The following ENTREP2 variants were observed in gnomAD, a reference collection of about 807,000 sequenced individuals.
ENTREP2 encodes the protein endosomal transmembrane epsin interactor 2, also known as protein ENTREP2.
chr15:29,638,317 G>A, the ENTREP2 span, among the ~76,000 whole-genome samples: 1 of 152,146 alleles, frequency 6.6e-6, no homozygotes, highest in African/African-American at 2.4e-5. Context: ...GGTTTATCCT[G>A]AACACCACTG....
the ENTREP2 span, among the ~76,000 whole-genome samples, chr15:29,442,604 C>T: frequency 6.6e-6 from 1 of 152,262 alleles, no homozygotes; most frequent in East Asian, 1.9e-4. Flanking sequence ...GCACACACAG[C>T]CCCAAATCAG....
chr15:29,648,677 C>A, the ENTREP2 span, among the ~76,000 whole-genome samples: 1 of 152,178 alleles, frequency 6.6e-6, no homozygotes, highest in Non-Finnish European at 1.5e-5. Flanking sequence ...GTGGCTCATG[C>A]CTGTAATCCC....
chr15:29,163,014 C>T, the ENTREP2 span, among the ~76,000 whole-genome samples: 5 of 152,092 alleles, frequency 3.3e-5, no homozygotes, highest in Non-Finnish European at 7.4e-5. Context: ...CAGAACCAGC[C>T]CGGAGCTGGG....
At chr15:29,297,890 A>G in the ENTREP2 span, among the ~76,000 whole-genome samples, 1 of 152,198 alleles carries the variant, frequency 6.6e-6, no homozygotes, top group Non-Finnish European at 1.5e-5. Flanking sequence ...ATCCAACAAA[A>G]CAAAACTAAA....
chr15:29,526,415 G>A, the ENTREP2 span, among the ~76,000 whole-genome samples: 348 of 149,980 alleles, frequency 2.3e-3, 2 homozygotes, highest in African/African-American at 8.0e-3. Flanking sequence ...CCACCTTAGA[G>A]GCAAGCCACA....
chr15:29,431,270 G>A, the ENTREP2 span, among the ~76,000 whole-genome samples: 1 of 152,082 alleles, frequency 6.6e-6, no homozygotes, highest in Admixed American at 6.5e-5. Context: ...TGCCACGCTG[G>A]CCCCTGCACG....
chr15:29,444,184 A>AGACAC, the ENTREP2 span, among the ~76,000 whole-genome samples: 1 of 87,784 alleles, frequency 1.1e-5, no homozygotes, highest in Non-Finnish European at 2.4e-5. Flanking sequence ...GAAAGAAAGA[A>AGACAC]AGAAAGAAAG....
chr15:29,522,622 C>G, the ENTREP2 span, among the ~76,000 whole-genome samples: 1 of 152,126 alleles, frequency 6.6e-6, no homozygotes, highest in Non-Finnish European at 1.5e-5. Context: ...CCCACCTACC[C>G]GTCTCGGCAG....
chr15:29,204,604 T>C, the ENTREP2 span, among the ~76,000 whole-genome samples: 3 of 152,126 alleles, frequency 2.0e-5, no homozygotes, highest in Non-Finnish European at 4.4e-5. Context: ...GGACAAGCCA[T>C]GTGACCTCTC....
the ENTREP2 span, among the ~76,000 whole-genome samples, chr15:29,300,151 AATGGATGGATGGATGGATGG>A: frequency 1.6e-5 from 2 of 128,048 alleles, no homozygotes; most frequent in Admixed American, 8.0e-5. Context: ...ATGGATGGAT[AATGGATGGATGGATGGATGG>A]ATGGATGGAT....
At chr15:29,223,614 T>A in the ENTREP2 span, among the ~76,000 whole-genome samples, 1 of 152,134 alleles carries the variant, frequency 6.6e-6, no homozygotes, top group Non-Finnish European at 1.5e-5. Flanking sequence ...CGGATGGTCT[T>A]TTTTCCCACT....
At chr15:29,630,924 C>A in the ENTREP2 span, among the ~76,000 whole-genome samples, 5 of 152,176 alleles carry the variant, frequency 3.3e-5, no homozygotes, top group African/African-American at 1.2e-4. Context: ...TTCAGGTGAT[C>A]CCCCGCCTCG....
At chr15:29,608,528 A>T in the ENTREP2 span, among the ~76,000 whole-genome samples, 1 of 137,124 alleles carries the variant, frequency 7.3e-6, no homozygotes, top group Non-Finnish European at 1.5e-5. Flanking sequence ...CTTCTTTATT[A>T]TTATTATTAT....
the ENTREP2 span, among the ~76,000 whole-genome samples, chr15:29,464,998 T>C: frequency 6.6e-6 from 1 of 152,038 alleles, no homozygotes; most frequent in Non-Finnish European, 1.5e-5. Context: ...TTAACTGCCA[T>C]GAGCTGTAGG....
At chr15:29,574,058 G>C in the ENTREP2 span, among the ~76,000 whole-genome samples, 1 of 152,152 alleles carries the variant, frequency 6.6e-6, no homozygotes, top group Non-Finnish European at 1.5e-5. Flanking sequence ...AAGAAGGGAA[G>C]GAGAAAGGTA....
chr15:29,343,881 G>A, the ENTREP2 span, among the ~76,000 whole-genome samples: 2 of 151,994 alleles, frequency 1.3e-5, no homozygotes, highest in Non-Finnish European at 2.9e-5. Flanking sequence ...AGCAATAAAG[G>A]TTATTTGTTT....
At chr15:29,335,591 C>A in the ENTREP2 span, among the ~76,000 whole-genome samples, 284 of 152,274 alleles carry the variant, frequency 1.9e-3, no homozygotes, top group African/African-American at 6.5e-3. Flanking sequence ...TCAAGAGGTA[C>A]CAGATATGCC....
At chr15:29,137,075 G>A in the ENTREP2 span, 12 of 1,460,148 alleles carry the variant, frequency 8.2e-6, no homozygotes, top group Admixed American at 2.4e-4. Flanking sequence ...ACTCTGGGGG[G>A]TAATAGGGTG....
At chr15:29,127,742 G>A in the ENTREP2 span, among the ~76,000 whole-genome samples, 1 of 152,170 alleles carries the variant, frequency 6.6e-6, no homozygotes, top group Non-Finnish European at 1.5e-5. Flanking sequence ...TGGGTGAGGA[G>A]CACCCCTGTC....
Sources: allele counts gnomAD v4.1 joint callset (sites outside exome capture counted in the v4.1 genomes callset), GRCh38; gene constraint gnomAD v4.1.1; transcripts MANE v1.5; gene names NCBI Gene and HGNC (gene_info 2026-07-23, HGNC 2026-07-21).